RAB11FIP3: variants seen among roughly 807,000 people sequenced by gnomAD.
The protein encoded by RAB11FIP3 is RAB11 family interacting protein 3, also known as rab11 family-interacting protein 3.
A neutral mutation model predicts 77.8 loss-of-function variants in RAB11FIP3; 17 were observed. The observed-to-expected ratio is 0.22, with a 90% confidence interval of 0.15 to 0.33. The LOEUF (loss-of-function observed/expected upper bound fraction) is 0.33. Among genes scored for constraint, RAB11FIP3 ranks in the 10% least tolerant of loss-of-function variants. The pLI is 1.00. For synonymous variants in RAB11FIP3, 437 were observed against 448.2 expected, an observed-to-expected ratio of 0.98 and a Z score of 0.31; for missense variants, 1,005 against 1,011.2, an observed-to-expected ratio of 0.99 and a Z score of 0.08.
intron 3 of RAB11FIP3, among the ~76,000 whole-genome samples, chr16:476,898 G>T (rs1261075867): frequency 6.6e-6 from 1 of 152,060 alleles, no homozygotes; most frequent in African/African-American, 2.4e-5. Flanking sequence ...AGACCAGCCT[G>T]ACCAACACGG....
intron 5 of RAB11FIP3, chr16:491,418 C>A (rs2030176726): frequency 1.3e-6 from 1 of 772,864 alleles, no homozygotes; most frequent in Non-Finnish European, 1.8e-6. Context: ...ACCCTGCACG[C>A]TGTGGGGCCA....
Position 521,248 on chromosome 16 carries a change from T to G in RAB11FIP3, c.*409T>G, listed in dbSNP as rs993107260. 4.2e-5 allele frequency: 9 copies of G among 212,354 alleles called. No homozygotes were observed. Among genetic ancestry groups the G allele is most frequent in the Non-Finnish European group, 8.6e-5 (9 of 104,702 alleles). The allele number at this position is 212,354 out of a possible 1,614,324, so 13.2% of individuals were successfully genotyped here. ...GCTGTGGCCTCCTTGTGGTGGTCCC[T>G]CTTCCCACGTGCAGCCCTGTTGGGA... On this transcript the variant is annotated 3_prime_UTR_variant, in exon 14 of 14. Coordinates refer to ENST00000262305, the MANE Select transcript of RAB11FIP3 (RefSeq NM_014700.4).
At chr16:452,558 C>T (rs888411685) in intron 1 of RAB11FIP3, 2 of 150,466 alleles carry the variant, frequency 1.3e-5, no homozygotes, top group African/African-American at 4.9e-5. Context: ...CCTCAGCATC[C>T]CGAGTAGTTG....
intron 1 of RAB11FIP3, among the ~76,000 whole-genome samples, chr16:431,359 A>C (rs1339353634): frequency 2.7e-5 from 4 of 150,568 alleles, no homozygotes; most frequent in Non-Finnish European, 5.9e-5. Flanking sequence ...CATTCCCATT[A>C]TTTTACTACA....
chr16:438,152 G>C (rs530232501), intron 1 of RAB11FIP3, among the ~76,000 whole-genome samples: 347 of 152,054 alleles, frequency 2.3e-3, no homozygotes, highest in Middle Eastern at 3.4e-3. Context: ...CTGTCACCCA[G>C]GCTGGAGTGT....
intron 3 of RAB11FIP3, among the ~76,000 whole-genome samples, chr16:481,232 C>A (rs1241265346): frequency 1.3e-5 from 2 of 152,032 alleles, no homozygotes; most frequent in Non-Finnish European, 2.9e-5. Flanking sequence ...GTCCTCCTGG[C>A]TGGCGCTGTG....
At chr16:517,892 C>T (rs1042087893) in intron 9 of RAB11FIP3, among the ~76,000 whole-genome samples, 4 of 152,152 alleles carry the variant, frequency 2.6e-5, no homozygotes, top group Non-Finnish European at 5.9e-5. Context: ...ACCATCCTGG[C>T]TAACACAGTG....
At chr16:456,768 A>G (rs2055511074) in intron 1 of RAB11FIP3, among the ~76,000 whole-genome samples, 2 of 152,048 alleles carry the variant, frequency 1.3e-5, no homozygotes, top group African/African-American at 4.8e-5. Flanking sequence ...ACAACAAACA[A>G]AAAAACCAAC....
chr16:502,734 T>C (rs1596286864), intron 6 of RAB11FIP3: 1 of 525,472 alleles, frequency 1.9e-6, no homozygotes, highest in Non-Finnish European at 3.3e-6. Flanking sequence ...TGAGGTCATG[T>C]TCTGTCAGGT....
At chr16:466,228 C>T (rs2055700307) in intron 2 of RAB11FIP3, among the ~76,000 whole-genome samples, 1 of 152,144 alleles carries the variant, frequency 6.6e-6, no homozygotes, top group Non-Finnish European at 1.5e-5. Context: ...GTCAGGGACA[C>T]AGCCTGTCAT....
chr16:447,055 A>C (rs1189913916), intron 1 of RAB11FIP3, among the ~76,000 whole-genome samples: 2 of 152,176 alleles, frequency 1.3e-5, no homozygotes, highest in East Asian at 3.9e-4. Flanking sequence ...CTATAGTCCC[A>C]ACACTTTGAG....
chr16:483,695 T>C (rs554119750), intron 4 of RAB11FIP3, among the ~76,000 whole-genome samples: 47 of 152,252 alleles, frequency 3.1e-4, no homozygotes, highest in African/African-American at 1.1e-3. Flanking sequence ...CAGGAGGGAA[T>C]TAACTCGGAG....
intron 9 of RAB11FIP3, among the ~76,000 whole-genome samples, 192 bp downstream of exon 9, chr16:510,992 G>A (rs962049977): frequency 6.8e-6 from 1 of 146,126 alleles, no homozygotes; most frequent in Admixed American, 6.8e-5. Context: ...CTGCAGGCCA[G>A]GTAGGAGAAG....
At chr16:492,460 G>GGAGACCCGAGGCCGCCCAGAGCCCTCCC (rs2030562351) in intron 5 of RAB11FIP3, among the ~76,000 whole-genome samples, 2 of 28,306 alleles carry the variant, frequency 7.1e-5, no homozygotes, top group Non-Finnish European at 1.4e-4. Flanking sequence ...GGCCCTTCCC[G>GGAGACCCGAGGCCGCCCAGAGCCCTCCC]GGGAGACCCG....
chr16:465,601 C>G (rs940708775), intron 2 of RAB11FIP3, among the ~76,000 whole-genome samples: 11 of 152,092 alleles, frequency 7.2e-5, no homozygotes, highest in African/African-American at 2.7e-4. Flanking sequence ...TAGCCACGGC[C>G]TCTCAGCACT....
intron 6 of RAB11FIP3, among the ~76,000 whole-genome samples, chr16:502,347 G>T (rs771603639): frequency 9.2e-5 from 14 of 152,356 alleles, no homozygotes; most frequent in Non-Finnish European, 1.8e-4. Context: ...GTGTCCCCGA[G>T]CCTGGCCCGG....
chr16:490,499 C>T lies in RAB11FIP3; in HGVS notation c.1265+1499C>T, dbSNP rs916769972. On this transcript the variant is annotated intron_variant, in intron 5 of 13. Transcript: ENST00000262305. ...GGACTACAGGTATGAGCTACTACGC[C>T]GGGCTAATTTTGTATTTTTTGTAGA... Among the ~76,000 whole-genome samples the T allele has an allele frequency of 4.6e-5, 7 of 152,226 alleles. No homozygotes were observed. In the South Asian group the frequency reaches 1.2e-3, roughly 27 times the overall value.
chr16:494,342 G>C (rs1193281430), intron 5 of RAB11FIP3, among the ~76,000 whole-genome samples: 1 of 151,656 alleles, frequency 6.6e-6, no homozygotes, highest in Non-Finnish European at 1.5e-5. Flanking sequence ...TTGTATTAAG[G>C]CTGGGTGCGG....
intron 9 of RAB11FIP3, among the ~76,000 whole-genome samples, chr16:511,479 TAGG>T (rs945746315): frequency 9.2e-6 from 1 of 108,288 alleles, no homozygotes; most frequent in Admixed American, 1.0e-4. Context: ...GCCGGCTAGG[TAGG>T]AGAAGTTCCC....
Sources: allele counts gnomAD v4.1 joint callset (sites outside exome capture counted in the v4.1 genomes callset), GRCh38; gene constraint gnomAD v4.1.1; transcripts MANE v1.5; gene names NCBI Gene and HGNC (gene_info 2026-07-23, HGNC 2026-07-21).